NR6A1: variants seen among roughly 807,000 people sequenced by gnomAD.
The protein encoded by NR6A1 is nuclear receptor subfamily 6 group A member 1, also known as retinoic acid receptor-related testis-associated receptor.
NR6A1 carries 7 observed loss-of-function variants against 59.1 expected under a neutral mutation model. That is an observed-to-expected ratio of 0.12 (90% CI 0.07 to 0.22). NR6A1 has a LOEUF of 0.22. Among genes scored for constraint, NR6A1 ranks in the 10% least tolerant of loss-of-function variants. The pLI is 1.00. For missense variants in NR6A1, 468 were observed against 611.6 expected (o/e 0.77, Z 2.48); for synonymous variants, 243 against 236.1 (o/e 1.03, Z -0.27).
At chr9:124,767,773 C>T (rs1840981429) in intron 1 of NR6A1, among the ~76,000 whole-genome samples, 1 of 152,200 alleles carries the variant, frequency 6.6e-6, no homozygotes, top group South Asian at 2.1e-4. Flanking sequence ...CAGTGAACTT[C>T]TCCCCATTTC....
chr9:124,613,824 TA>T (rs1348913986), intron 2 of NR6A1, among the ~76,000 whole-genome samples: 2 of 152,212 alleles, frequency 1.3e-5, no homozygotes, highest in Admixed American at 6.5e-5. Context: ...TGATCTCATT[TA>T]CAAAAACATA....
At chr9:124,753,117 T>C (rs1368610958) in intron 1 of NR6A1, among the ~76,000 whole-genome samples, 2 of 152,206 alleles carry the variant, frequency 1.3e-5, no homozygotes, top group East Asian at 1.9e-4. Flanking sequence ...TGATTTTAAA[T>C]GGTACAAAGA....
intron 2 of NR6A1, among the ~76,000 whole-genome samples, chr9:124,585,901 A>G (rs1834916846): frequency 6.6e-6 from 1 of 152,180 alleles, no homozygotes; most frequent in Admixed American, 6.5e-5. Flanking sequence ...AGCCTGGATG[A>G]CAGCATGTAT....
intron 2 of NR6A1, among the ~76,000 whole-genome samples, chr9:124,621,613 C>G (rs1221419232): frequency 1.3e-5 from 2 of 151,494 alleles, no homozygotes; most frequent in Non-Finnish European, 2.9e-5. Flanking sequence ...GTGACCATAC[C>G]ACTGCACTGG....
chr9:124,701,679 G>A (rs1838955789), intron 2 of NR6A1, among the ~76,000 whole-genome samples: 1 of 152,194 alleles, frequency 6.6e-6, no homozygotes, highest in Non-Finnish European at 1.5e-5. Flanking sequence ...TCTTCTTATT[G>A]AGTTGTAAGA....
intron 1 of NR6A1, among the ~76,000 whole-genome samples, chr9:124,748,572 T>C (rs1840401686): frequency 6.6e-6 from 1 of 152,040 alleles, no homozygotes; most frequent in East Asian, 1.9e-4. Flanking sequence ...CAAAAGAACT[T>C]AACTTAAGCC....
intron 9 of NR6A1, among the ~76,000 whole-genome samples, chr9:124,523,675 A>ATCC (rs1564162134): frequency 1.3e-5 from 2 of 152,184 alleles, no homozygotes; most frequent in African/African-American, 4.8e-5. Flanking sequence ...CTTAGAAAAT[A>ATCC]CTGAGACAAA....
intron 2 of NR6A1, among the ~76,000 whole-genome samples, chr9:124,561,686 C>T (rs1834088434): frequency 1.3e-5 from 2 of 152,058 alleles, no homozygotes; most frequent in African/African-American, 4.8e-5. Context: ...CCGAGGTGGG[C>T]AGATTACTTG....
At chr9:124,712,779 A>G (rs1444181568) in intron 2 of NR6A1, among the ~76,000 whole-genome samples, 2 of 152,216 alleles carry the variant, frequency 1.3e-5, no homozygotes, top group Non-Finnish European at 2.9e-5. Context: ...TTTCAGCATT[A>G]AAAGGCTAGC....
chr9:124,734,400 T>C (rs1434719039), intron 1 of NR6A1, among the ~76,000 whole-genome samples: 1 of 152,160 alleles, frequency 6.6e-6, no homozygotes, highest in Non-Finnish European at 1.5e-5. Context: ...TTCAGAAATA[T>C]CGGATCTTGG....
chr9:124,705,251 T>G (rs1839089884), intron 2 of NR6A1, among the ~76,000 whole-genome samples: 1 of 152,182 alleles, frequency 6.6e-6, no homozygotes, highest in Non-Finnish European at 1.5e-5. Flanking sequence ...TAATTTCCTA[T>G]CAATTATTGC....
intron 5 of NR6A1, 32 bp downstream of exon 5, chr9:124,540,001 G>T (rs769468367): frequency 1.9e-6 from 3 of 1,560,820 alleles, no homozygotes; most frequent in East Asian, 4.8e-5. Flanking sequence ...GGGATCCCTA[G>T]ATGATGACCA....
chr9:124,541,391 TATC>T (rs1415534529), intron 4 of NR6A1, among the ~76,000 whole-genome samples: 1 of 152,172 alleles, frequency 6.6e-6, no homozygotes, highest in Non-Finnish European at 1.5e-5. Context: ...CAATATCACT[TATC>T]ATCAGGAAAA....
rs190670186 is a variant in NR6A1 at position 124,726,688 on chromosome 9, C to A, written c.142+6620G>T. On this transcript the variant is annotated intron_variant, in intron 2 of 9. Coordinates refer to ENST00000487099, the MANE Select transcript of NR6A1 (RefSeq NM_033334.4). ...GCTTTGACCAAGAAATTCTTCACTT[C>A]TTCTCACTTCTTCACTTCTTCCCAA... is the stretch of plus-strand genomic sequence containing the variant. Among the ~76,000 whole-genome samples the A allele has an allele frequency of 7.4e-4, 110 of 149,608 alleles. No individual in the cohort carries two copies. In the East Asian group the frequency reaches 0.018, roughly 24 times the overall value.
At chr9:124,539,846 T>C (rs1417149055) in intron 5 of NR6A1, among the ~76,000 whole-genome samples, 187 bp downstream of exon 5, 2 of 152,200 alleles carry the variant, frequency 1.3e-5, no homozygotes, top group Non-Finnish European at 2.9e-5. Flanking sequence ...ATTTTCAAGG[T>C]CTTTAGCATA....
At chr9:124,635,288 C>T (rs1836573237) in intron 2 of NR6A1, among the ~76,000 whole-genome samples, 1 of 152,152 alleles carries the variant, frequency 6.6e-6, no homozygotes, top group Non-Finnish European at 1.5e-5. Context: ...TGTGTCCCCA[C>T]CGAAATCTCA....
chr9:124,598,635 G>A, intron 2 of NR6A1: 1 of 327,718 alleles, frequency 3.1e-6, no homozygotes, highest in Non-Finnish European at 5.5e-6. Context: ...AAAAAGAGGG[G>A]CAGAGTAAAA....
chr9:124,546,099 G>A (rs1017732192), intron 3 of NR6A1, among the ~76,000 whole-genome samples: 3 of 152,166 alleles, frequency 2.0e-5, no homozygotes, highest in African/African-American at 7.2e-5. Flanking sequence ...TGGGCAACAA[G>A]AGCAAAACTC....
chr9:124,539,790 G>T (rs928575208), intron 5 of NR6A1, among the ~76,000 whole-genome samples: 4 of 152,190 alleles, frequency 2.6e-5, no homozygotes, highest in Non-Finnish European at 5.9e-5. Flanking sequence ...CACGGGCATG[G>T]ATAGAAGCTA....
Sources: allele counts gnomAD v4.1 joint callset (sites outside exome capture counted in the v4.1 genomes callset), GRCh38; gene constraint gnomAD v4.1.1; transcripts MANE v1.5; gene names NCBI Gene and HGNC (gene_info 2026-07-23, HGNC 2026-07-21).